The following NAA25 variants were observed in gnomAD, a reference collection of about 807,000 sequenced individuals.
NAA25 encodes N-terminal acetyltransferase B complex subunit NAA25.
Under a neutral mutation model 132.5 loss-of-function variants are expected in NAA25, and 30 were observed. That is an observed-to-expected ratio of 0.23 (90% CI 0.17 to 0.31). NAA25 has a LOEUF of 0.31. NAA25 is among the 10% of genes least tolerant of loss of function. The pLI is 1.00. For missense variants in NAA25, 771 were observed against 1,150.4 expected (o/e 0.67, Z 4.77); for synonymous variants, 359 against 401.9 (o/e 0.89, Z 1.28).
intron 14 of NAA25, among the ~76,000 whole-genome samples, 164 bp from the exon 15 acceptor site, chr12:112,053,821 T>TA (rs4041251): frequency 0.35 from 39,857 of 114,210 alleles, 7,093 homozygotes; most frequent in African/African-American, 0.52. Flanking sequence ...AGTTAAAATT[T>TA]AAAAAAAAAA....
chr12:112,101,473 CA>C (rs766356359), intron 1 of NAA25, among the ~76,000 whole-genome samples: 26 of 151,888 alleles, frequency 1.7e-4, no homozygotes, highest in Non-Finnish European at 3.2e-4. Context: ...TAAGATAATA[CA>C]GGCCGGGTGC....
At chr12:112,047,903 A>G in intron 16 of NAA25, 113 bp from the exon 17 acceptor site, 1 of 1,134,416 alleles carries the variant, frequency 8.8e-7, no homozygotes, top group Non-Finnish European at 1.2e-6. Context: ...GGAAGGGCTC[A>G]TAATAAGGTG....
intron 13 of NAA25, among the ~76,000 whole-genome samples, 164 bp from the exon 14 acceptor site, chr12:112,054,732 C>T (rs934863320): frequency 1.4e-4 from 22 of 152,110 alleles, no homozygotes; most frequent in African/African-American, 5.1e-4. Context: ...TAGAGAATTT[C>T]GCCTCAACAG....
chr12:112,059,699 G>T (rs2078597128), intron 13 of NAA25, among the ~76,000 whole-genome samples: 1 of 151,920 alleles, frequency 6.6e-6, no homozygotes, highest in East Asian at 1.9e-4. Flanking sequence ...TTGTAGCTTT[G>T]TCATAGTATT....
At chr12:112,092,522 G>A (rs113895866) in intron 2 of NAA25, among the ~76,000 whole-genome samples, 7 of 151,952 alleles carry the variant, frequency 4.6e-5, no homozygotes, top group African/African-American at 1.7e-4. Context: ...AACTACGCAG[G>A]AGGCTAAAGC....
chr12:112,049,869 C>A lies in NAA25; in HGVS notation c.1729-1426G>T, dbSNP rs1312209721. 6.6e-6 allele frequency among the ~76,000 whole-genome samples: 1 copy of A among 151,898 alleles called. No homozygotes were observed. Among genetic ancestry groups the A allele is most frequent in the African/African-American group, 2.4e-5 (1 of 41,350 alleles). ...GAACTTACAGCTGGGGAAAAAAAAA[C>A]AGCTGGTTAGGAACACATGATTCAG... On this transcript the variant is annotated intron_variant, in intron 15 of 23. Transcript: ENST00000261745. This position sits in a 1 kb window ranked among gnomAD's most constrained non-coding sequence, Gnocchi z 4.7.
intron 23 of NAA25, among the ~76,000 whole-genome samples, chr12:112,030,101 T>C (rs146973381): frequency 0.015 from 2,211 of 149,344 alleles, 61 homozygotes; most frequent in African/African-American, 0.051. Flanking sequence ...TAATCCCAGC[T>C]ACTTGGGAAG....
At position 112,028,619 on chromosome 12, in the gene NAA25, CATATATATATGTGTAT is replaced by C. The variant is rs1300379097; in HGVS notation, c.*896_*911del. Reference sequence around the variant, plus strand: ...AAGTATTAAATCTTAATTTTCAAGTCATATATATATGTGTATATATATATATGTATATATATGACTC... The same window carrying C: ...AAGTATTAAATCTTAATTTTCAAGTCATATATATATGTATATATATGACTC... On this transcript the variant is annotated 3_prime_UTR_variant, in exon 24 of 24. Transcript: ENST00000261745. 2 of 151,888 alleles carry C rather than the reference CATATATATATGTGTAT, an allele frequency of 1.3e-5. No homozygotes were observed. The highest frequency in any genetic ancestry group is 1.3e-4 in the Admixed American group (2 of 15,228). The allele number at this position is 151,888 out of a possible 1,614,324, so 9.4% of individuals were successfully genotyped here. A position where few individuals can be genotyped will look rare whatever the true frequency, so the allele number is the denominator to read the frequency against.
intron 17 of NAA25, among the ~76,000 whole-genome samples, chr12:112,045,998 T>C (rs1045412222): frequency 6.6e-6 from 1 of 152,232 alleles, no homozygotes; most frequent in Non-Finnish European, 1.5e-5. Context: ...AGAAAAGAGT[T>C]AACATAGCAG....
chr12:112,069,670 A>G (rs2078773767), intron 10 of NAA25, among the ~76,000 whole-genome samples: 1 of 151,706 alleles, frequency 6.6e-6, no homozygotes, highest in Middle Eastern at 3.2e-3. Context: ...AAAATACAAA[A>G]TTAGCTGGAC....
intron 1 of NAA25, among the ~76,000 whole-genome samples, chr12:112,106,816 G>T (rs1364113166): frequency 6.6e-6 from 1 of 151,876 alleles, no homozygotes; most frequent in Non-Finnish European, 1.5e-5. Flanking sequence ...TAGCCGGCAT[G>T]GTGGCGGGCA....
Position 112,027,098 on chromosome 12 carries a change from A to G in NAA25, c.*2433T>C, listed in dbSNP as rs1157905054. 1.3e-5 allele frequency: 2 copies of G among 152,564 alleles called. No homozygotes were observed. The highest frequency in any genetic ancestry group is 6.5e-5 in the Admixed American group (1 of 15,274). The allele number at this position is 152,564 out of a possible 1,614,324, so 9.5% of individuals were successfully genotyped here. ...AGTCTTAACTTAGGATCTCAGTAGT[A>G]TAAAAAGCAATAATTTTTCAGTCTG... On this transcript the variant is annotated 3_prime_UTR_variant, in exon 24 of 24. Transcript: ENST00000261745.
chr12:112,047,877 G>T, intron 16 of NAA25, 87 bp from the exon 17 acceptor site: 1 of 1,325,812 alleles, frequency 7.5e-7, no homozygotes, highest in Non-Finnish European at 1.0e-6. Context: ...TTACTAGACA[G>T]GAAGGGAAAG....
intron 23 of NAA25, among the ~76,000 whole-genome samples, chr12:112,029,952 C>T (rs1250620661): frequency 6.6e-6 from 1 of 152,114 alleles, no homozygotes; most frequent in African/African-American, 2.4e-5. Context: ...GTGGCTCACG[C>T]CTGTAATTCC....
At chr12:112,044,224 C>T (rs2078343571) in intron 17 of NAA25, among the ~76,000 whole-genome samples, 3 of 151,638 alleles carry the variant, frequency 2.0e-5, no homozygotes. Flanking sequence ...AGCTACCGCG[C>T]CTGGCCTCAA....
chr12:112,047,229 CTTT>C (rs71808367), intron 17 of NAA25, among the ~76,000 whole-genome samples: 3 of 119,176 alleles, frequency 2.5e-5, no homozygotes, highest in Non-Finnish European at 3.5e-5. Context: ...CATCCTAATT[CTTT>C]TTTTTTTTTT....
intron 1 of NAA25, among the ~76,000 whole-genome samples, chr12:112,095,745 AC>A (rs2079204454): frequency 6.6e-6 from 1 of 152,158 alleles, no homozygotes; most frequent in Non-Finnish European, 1.5e-5. Context: ...AAGGCTATAT[AC>A]TATATAACTC....
At chr12:112,078,593 CA>C in intron 6 of NAA25, 40 bp downstream of exon 6, 1 of 1,525,666 alleles carries the variant, frequency 6.6e-7, no homozygotes, top group Non-Finnish European at 9.1e-7. Flanking sequence ...GTAGCACTAG[CA>C]AAAAAATGAA....
chr12:112,072,370 G>A (rs1435624164), intron 9 of NAA25, among the ~76,000 whole-genome samples: 1 of 151,464 alleles, frequency 6.6e-6, no homozygotes. Context: ...CACTTTGGAA[G>A]CCTGAGGTGG....
Sources: gnomAD v4.1 joint callset for allele counts (sites outside exome capture counted in the v4.1 genomes callset) on GRCh38, gnomAD v4.1.1 for gene constraint, Gnocchi (gnomAD v3.1) non-coding constraint, MANE v1.5 for transcripts, NCBI Gene and HGNC (gene_info 2026-07-23, HGNC 2026-07-21) for gene names.